LONRF3: variants seen among roughly 807,000 people sequenced by gnomAD.
The protein encoded by LONRF3 is LON peptidase N-terminal domain and ring finger 3.
Under a neutral mutation model 51.7 loss-of-function variants are expected in LONRF3, and 19 were observed. That is an observed-to-expected ratio of 0.37 (90% CI 0.26 to 0.54). The LOEUF (loss-of-function observed/expected upper bound fraction) is 0.54. Among genes scored for constraint, LONRF3 ranks in the 20% least tolerant of loss-of-function variants. The pLI, the probability that LONRF3 is intolerant of heterozygous loss-of-function variation, is 0.86. For missense variants in LONRF3, 521 were observed against 623.9 expected, an observed-to-expected ratio of 0.84 and a Z score of 1.76; for synonymous variants, 265 against 257.8, an observed-to-expected ratio of 1.03 and a Z score of -0.27.
chrX:118,983,303 C>T (rs764338762), intron 3 of LONRF3, among the ~76,000 whole-genome samples: 43 of 111,756 alleles, frequency 3.8e-4, no homozygotes, highest in African/African-American at 1.4e-3. Context: ...AGATCCAGGG[C>T]ATGGGGCTAC....
Position 118,974,690 on chromosome X carries a change from G to A in LONRF3, c.-91G>A. ...GGGTCAGGAGCTCGGTGGCATGGCGGCGGTGGCTGCCCCGATTTCCTCCAG... is the reference window on the plus strand; with the variant it reads ...GGGTCAGGAGCTCGGTGGCATGGCGACGGTGGCTGCCCCGATTTCCTCCAG... On this transcript the variant is annotated 5_prime_UTR_variant, in exon 1 of 11. Coordinates refer to ENST00000371628, the MANE Select transcript of LONRF3 (RefSeq NM_001031855.3). The A allele has an allele frequency of 1.2e-6, 1 of 823,366 alleles. No individual in the cohort carries two copies. The highest frequency in any genetic ancestry group is 1.7e-6 in the Non-Finnish European group (1 of 590,749). The allele number at this position is 823,366 out of a possible 1,213,427, so 67.9% of individuals were successfully genotyped here. A position where few individuals can be genotyped will look rare whatever the true frequency, so the allele number is the denominator to read the frequency against.
rs1325735954 is a variant in LONRF3, at chrX:118,974,923, C to T, written c.143C>T (p.Pro48Leu). The change falls in exon 1 of 11, where the codon CCT (proline) becomes CTT (leucine). Residue 48 changes from proline (P) to leucine (L), a missense_variant. Pro to Leu is a moderately conservative substitution (Grantham distance 98). This residue lies in a region of LONRF3 where 376 missense variants were observed against 376.7 expected (regional missense o/e 1.00). Transcript: ENST00000371628. ...AAGGTGGCTGCAGAGGGCCCCGCACCTCTACCGACGCGGGAGCCAGAGCAA... is the reference window on the plus strand; with the variant it reads ...AAGGTGGCTGCAGAGGGCCCCGCACTTCTACCGACGCGGGAGCCAGAGCAA... ...HPKVAAEGPA[P>L]LPTREPEQEQ... The T allele has an allele frequency of 5.1e-6, 6 of 1,186,963 alleles. No homozygotes were observed. The South Asian group carries it at 1.1e-4, about 22-fold the overall frequency.
intron 7 of LONRF3, among the ~76,000 whole-genome samples, chrX:119,009,778 T>G (rs1318611680): frequency 9.0e-6 from 1 of 111,432 alleles, no homozygotes; most frequent in East Asian, 2.8e-4. Context: ...CCTCATGGAC[T>G]TCTTTTTTTG....
Position 118,975,173 on chromosome X carries a change from T to C in LONRF3, c.393T>C (p.Thr131=). The part of the protein sequence containing the change: ...LAPAPPDEGS[T]ASGTVAAEET... ...CGGCGCCCCCGGACGAGGGTAGCAC[T>C]GCAAGCGGCACCGTGGCGGCGGAAG... Residue 131 remains threonine (T), a synonymous_variant, in exon 1 of 11, where the codon ACT becomes ACC. Transcript: ENST00000371628. 8.5e-7 allele frequency: 1 copy of C among 1,176,407 alleles called. No homozygotes were observed. The highest frequency in any genetic ancestry group is 1.1e-6 in the Non-Finnish European group (1 of 878,474).
intron 3 of LONRF3, among the ~76,000 whole-genome samples, chrX:118,984,243 C>G (rs1007594349): frequency 1.3e-4 from 14 of 111,924 alleles, no homozygotes; most frequent in African/African-American, 4.2e-4. Flanking sequence ...TATTCAAACC[C>G]AAGTCTATCT....
At chrX:119,002,059 G>A (rs1924355606) in intron 5 of LONRF3, among the ~76,000 whole-genome samples, 2 of 112,362 alleles carry the variant, frequency 1.8e-5, no homozygotes, top group South Asian at 7.3e-4. Context: ...TCACAGCAGT[G>A]GTTCCAAATC....
chrX:118,993,457 A>G (rs1199738420), intron 5 of LONRF3, among the ~76,000 whole-genome samples: 1 of 111,871 alleles, frequency 8.9e-6, no homozygotes, highest in East Asian at 2.8e-4. Context: ...CTTCAAATTA[A>G]CCCAATCCAA....
In LONRF3 at chrX:119,011,856, A is replaced by G; in HGVS notation, c.1694A>G (p.Tyr565Cys). The change falls in exon 8 of 11, where the codon TAT (tyrosine) becomes TGT (cysteine). Residue 565 changes from tyrosine to cysteine, a missense_variant. This residue lies in a region of LONRF3 where 145 missense variants were observed against 247.2 expected (regional missense o/e 0.59). Transcript: ENST00000371628. The part of the protein sequence containing the change: ...NVPIFVCTMA[Y>C]PTVPCPLHIF... ...CCTATTTTCGTGTGTACTATGGCCT[A>G]TCCCACCGTTCCTTGTCCCCTGCAC... 1 of 1,211,604 alleles carries G rather than the reference A, an allele frequency of 8.3e-7. No individual in the cohort carries two copies. Among genetic ancestry groups the G allele is most frequent in the Non-Finnish European group, 1.1e-6 (1 of 895,320 alleles).
At chrX:118,983,366 A>G (rs1259895938) in intron 3 of LONRF3, among the ~76,000 whole-genome samples, 1 of 111,941 alleles carries the variant, frequency 8.9e-6, no homozygotes, top group Non-Finnish European at 1.9e-5. Context: ...CCAGCCACAC[A>G]TGACAGCCAG....
At chrX:118,984,355 A>G (rs1922797610) in intron 3 of LONRF3, among the ~76,000 whole-genome samples, 1 of 112,571 alleles carries the variant, frequency 8.9e-6, no homozygotes. Context: ...AATAGTAGCA[A>G]TGGAACTTTC....
chrX:118,992,952 C>T (rs938546754), intron 5 of LONRF3, among the ~76,000 whole-genome samples: 1 of 111,425 alleles, frequency 9.0e-6, no homozygotes, highest in Non-Finnish European at 1.9e-5. Context: ...CAGGAAGCCA[C>T]ACCCATAGGA....
At position 119,018,304 on chromosome X, in the gene LONRF3, T is replaced by C. The variant is rs1925584259; in HGVS notation, c.*614T>C. 1 of 112,351 alleles carries C rather than the reference T, an allele frequency of 8.9e-6. No homozygotes were observed. Among genetic ancestry groups the C allele is most frequent in the African/African-American group, 3.2e-5 (1 of 30,947 alleles). The allele number at this position is 112,351 out of a possible 1,213,427, so 9.3% of individuals were successfully genotyped here. Reference sequence around the variant, plus strand: ...TAGGGGGAAATAACAATACTAGAAGTGTGCAGTTTTTGCTTTTATCTTTTT... The same window carrying C: ...TAGGGGGAAATAACAATACTAGAAGCGTGCAGTTTTTGCTTTTATCTTTTT... On this transcript the variant is annotated 3_prime_UTR_variant, in exon 11 of 11. Transcript: ENST00000371628.
At chrX:118,978,951 C>G (rs1922307428) in intron 2 of LONRF3, among the ~76,000 whole-genome samples, 1 of 107,483 alleles carries the variant, frequency 9.3e-6, no homozygotes, top group Admixed American at 1.0e-4. Context: ...TCTTCCCTTC[C>G]TTCCTTCCTT....
At chrX:118,989,335 C>G in intron 3 of LONRF3, 73 bp from the exon 4 acceptor site, 1 of 1,120,821 alleles carries the variant, frequency 8.9e-7, no homozygotes, top group Non-Finnish European at 1.2e-6. Context: ...TCCCTTTGTT[C>G]CTCTGGGTAG....
Position 118,974,883 on chromosome X carries a change from A to T in LONRF3, c.103A>T (p.Met35Leu), listed in dbSNP as rs749805170. The T allele has an allele frequency of 4.2e-6, 5 of 1,200,760 alleles. No homozygotes were observed. In the South Asian group the frequency reaches 9.1e-5, roughly 22 times the overall value. ...AGGGGCATCAGCGGCCCAAGTAGAC[A>T]TGGGCCCCCACCCAAAGGTGGCTGC... is the stretch of plus-strand genomic sequence containing the variant. Reference protein sequence around the residue: ...ERGASAAQVDMGPHPKVAAEG... With the variant: ...ERGASAAQVDLGPHPKVAAEG... Residue 35 changes from methionine to leucine, a missense_variant, in exon 1 of 11, where the codon ATG becomes TTG. Transcript: ENST00000371628.
intron 2 of LONRF3, among the ~76,000 whole-genome samples, chrX:118,979,306 T>A (rs1285940294): frequency 9.3e-6 from 1 of 108,033 alleles, no homozygotes; most frequent in Non-Finnish European, 1.9e-5. Context: ...CTGGCTTTTT[T>A]TTTTTGAGAC....
chrX:119,015,348 C>G (rs1462724144), intron 10 of LONRF3, among the ~76,000 whole-genome samples: 1 of 112,087 alleles, frequency 8.9e-6, no homozygotes, highest in Non-Finnish European at 1.9e-5. Flanking sequence ...CAACTTTTGT[C>G]CCATCTCTGA....
intron 5 of LONRF3, among the ~76,000 whole-genome samples, chrX:118,996,940 CAAAGA>C (rs1923918648): frequency 1.0e-5 from 1 of 99,662 alleles, no homozygotes; most frequent in Non-Finnish European, 2.0e-5. Context: ...AAAAAAAAAG[CAAAGA>C]AAAGAAAACT....
At chrX:118,987,475 T>G (rs1293973919) in intron 3 of LONRF3, among the ~76,000 whole-genome samples, 10 of 82,202 alleles carry the variant, frequency 1.2e-4, no homozygotes, top group Non-Finnish European at 1.9e-4. Context: ...TTTTTTTTTG[T>G]AGAGACGGGG....
Sources: gnomAD v4.1 joint callset for allele counts (sites outside exome capture counted in the v4.1 genomes callset) on GRCh38, gnomAD v4.1.1 for gene constraint, gnomAD v4.1.1 regional missense constraint, MANE v1.5 for transcripts, NCBI Gene and HGNC (gene_info 2026-07-23, HGNC 2026-07-21) for gene names.